Variants in NAALADL2 observed in about 807,000 individuals in gnomAD.
The protein encoded by NAALADL2 is N-acetylated alpha-linked acidic dipeptidase like 2.
NAALADL2 carries 76 observed loss-of-function variants against 87.2 expected under a neutral mutation model. The observed-to-expected ratio is 0.87, with a 90% CI of 0.72 to 1.05. The LOEUF (loss-of-function observed/expected upper bound fraction) is 1.05. Ranked by LOEUF, NAALADL2 falls within the 50% of genes least tolerant of loss-of-function variation. The probability of loss-of-function intolerance (pLI) is 0.00; values close to 1 mark genes in which losing one functional copy is unlikely to be tolerated. For missense variants in NAALADL2, 1,089 were observed against 945.8 expected (o/e 1.15, Z -1.99); for synonymous variants, 354 against 331.0 (o/e 1.07, Z -0.75).
intron 10 of NAALADL2, among the ~76,000 whole-genome samples, chr3:175,576,838 C>T (rs779621691): frequency 6.6e-5 from 10 of 152,088 alleles, no homozygotes; most frequent in East Asian, 1.9e-4. Context: ...ATGCATTATT[C>T]GGAGCTATTT....
intron 2 of NAALADL2, among the ~76,000 whole-genome samples, chr3:175,215,911 G>A (rs1742448381): frequency 6.6e-6 from 1 of 152,102 alleles, no homozygotes; most frequent in African/African-American, 2.4e-5. Flanking sequence ...TACTTCTGAA[G>A]AAAAATGTAG....
chr3:174,503,922 C>T (rs1352852656), intron 1 of NAALADL2, among the ~76,000 whole-genome samples: 1 of 152,028 alleles, frequency 6.6e-6, no homozygotes. Flanking sequence ...ATATTCGATA[C>T]TAGATTTTTA....
intron 3 of NAALADL2, among the ~76,000 whole-genome samples, chr3:174,807,162 A>T (rs1489038844): frequency 6.6e-6 from 1 of 152,160 alleles, no homozygotes; most frequent in Non-Finnish European, 1.5e-5. Context: ...ATGATGTGCT[A>T]CTTTAATTGA....
At chr3:174,573,680 G>A (rs1455109989) in intron 2 of NAALADL2, among the ~76,000 whole-genome samples, 1 of 151,984 alleles carries the variant, frequency 6.6e-6, no homozygotes, top group Non-Finnish European at 1.5e-5. Context: ...GAAGCAGGGG[G>A]CAAGGTGAGG....
chr3:175,629,375 A>AAT (rs112350530), intron 11 of NAALADL2, among the ~76,000 whole-genome samples: 2 of 147,896 alleles, frequency 1.4e-5, no homozygotes, highest in Admixed American at 6.8e-5. Flanking sequence ...TATATATATG[A>AAT]ATATATATAT....
At chr3:175,318,544 G>T (rs1759447354) in intron 4 of NAALADL2, among the ~76,000 whole-genome samples, 1 of 152,048 alleles carries the variant, frequency 6.6e-6, no homozygotes, top group Admixed American at 6.6e-5. Context: ...AATACTGAAA[G>T]AAGATATAAA....
chr3:175,792,494 A>C (rs1424815002), intron 13 of NAALADL2, among the ~76,000 whole-genome samples: 1 of 152,224 alleles, frequency 6.6e-6, no homozygotes, highest in Non-Finnish European at 1.5e-5. Flanking sequence ...ATCATCTTGA[A>C]TACTTACTAT....
intron 3 of NAALADL2, among the ~76,000 whole-genome samples, chr3:174,784,993 G>T (rs1296910315): frequency 6.6e-6 from 1 of 152,072 alleles, no homozygotes; most frequent in Non-Finnish European, 1.5e-5. Context: ...AAGATCTTTT[G>T]TCCTTTTTAA....
Position 174,545,985 on chromosome 3 carries a change from CT to C in NAALADL2, c.-183-4577del, listed in dbSNP as rs532064822. On this transcript the variant is annotated intron_variant, in intron 1 of 3. Coordinates refer to the NAALADL2 transcript ENST00000434257. ...ATTGTCTCTGTTTCTTCCTGTTTTC[CT>C]TTTTTTCTGCTTGTTTTTTTTGGTC... Among the ~76,000 whole-genome samples, 16 of 150,554 alleles carry C rather than the reference CT, an allele frequency of 1.1e-4. No individual in the cohort carries two copies. The South Asian group carries it at 2.9e-3, about 28-fold the overall frequency.
Position 174,907,183 on chromosome 3 carries a change from A to G in NAALADL2, c.43+47733A>G, listed in dbSNP as rs573700054. 3.9e-5 allele frequency among the ~76,000 whole-genome samples: 6 copies of G among 152,244 alleles called. No individual in the cohort carries two copies. The East Asian group carries it at 1.2e-3, about 29-fold the overall frequency. On this transcript the variant is annotated intron_variant, in intron 1 of 13. Transcript: ENST00000454872. Reference sequence around the variant, plus strand: ...CTAGTACTTAGATCAAAATCATTGCATCACAGAATACTAGCACTGGAATGT... The same window carrying G: ...CTAGTACTTAGATCAAAATCATTGCGTCACAGAATACTAGCACTGGAATGT...
chr3:175,129,251 G>A (rs1013580328), intron 2 of NAALADL2, among the ~76,000 whole-genome samples: 2 of 152,042 alleles, frequency 1.3e-5, no homozygotes, highest in Non-Finnish European at 2.9e-5. Context: ...TGCCACCAAA[G>A]TCGAATTAAC....
chr3:175,027,468 T>G (rs1752349216), intron 1 of NAALADL2, among the ~76,000 whole-genome samples: 2 of 152,134 alleles, frequency 1.3e-5, no homozygotes, highest in South Asian at 4.1e-4. Flanking sequence ...CGGTATGATT[T>G]TATTATGTAA....
chr3:174,858,881 G>T (rs530859110), upstream of NAALADL2, among the ~76,000 whole-genome samples: 70 of 151,762 alleles, frequency 4.6e-4, 1 homozygote, highest in Admixed American at 4.6e-3. Flanking sequence ...CAGTCACACA[G>T]CAAGTATTAG....
intron 13 of NAALADL2, among the ~76,000 whole-genome samples, chr3:175,796,529 C>T (rs1753518100): frequency 6.6e-6 from 1 of 152,170 alleles, no homozygotes; most frequent in Non-Finnish European, 1.5e-5. Context: ...AATAGTGTAG[C>T]CATGCACTTT....
At chr3:174,492,247 G>A (rs1718243402) in intron 1 of NAALADL2, among the ~76,000 whole-genome samples, 1 of 149,340 alleles carries the variant, frequency 6.7e-6, no homozygotes, top group South Asian at 2.1e-4. Context: ...TCTAGCCCAG[G>A]CAACAACAGC....
chr3:175,744,184 C>T (rs1002479427), intron 12 of NAALADL2, among the ~76,000 whole-genome samples: 4 of 152,100 alleles, frequency 2.6e-5, no homozygotes, highest in Admixed American at 1.3e-4. Flanking sequence ...TATACCTAAG[C>T]GTGTGTCATC....
At chr3:175,116,274 GA>G (rs1229140400) in intron 2 of NAALADL2, among the ~76,000 whole-genome samples, 1 of 151,970 alleles carries the variant, frequency 6.6e-6, no homozygotes, top group Non-Finnish European at 1.5e-5. Context: ...ATTCAATTAG[GA>G]AAAGAGGAAG....
intron 1 of NAALADL2, among the ~76,000 whole-genome samples, chr3:174,911,959 G>T (rs1397516369): frequency 6.6e-6 from 1 of 152,030 alleles, no homozygotes; most frequent in African/African-American, 2.4e-5. Flanking sequence ...TTCCACTAGG[G>T]CTGGAAATTG....
chr3:174,967,078 T>C (rs1742981827), intron 1 of NAALADL2, among the ~76,000 whole-genome samples: 1 of 152,212 alleles, frequency 6.6e-6, no homozygotes, highest in Non-Finnish European at 1.5e-5. Flanking sequence ...TCTGTTAGTA[T>C]CATCTGGAGA....
Sources: allele counts gnomAD v4.1 joint callset (sites outside exome capture counted in the v4.1 genomes callset), GRCh38; gene constraint gnomAD v4.1.1; transcripts MANE v1.5; gene names NCBI Gene and HGNC (gene_info 2026-07-23, HGNC 2026-07-21).